The following AKT3 variants were observed in gnomAD, a reference collection of about 807,000 sequenced individuals.
AKT3 encodes the protein RAC-gamma serine/threonine-protein kinase.
In AKT3, 15 loss-of-function variants were observed where a neutral mutation model predicts 65.3. The observed-to-expected ratio is 0.23, with a 90% CI of 0.15 to 0.35. The LOEUF (loss-of-function observed/expected upper bound fraction) is 0.35, where lower values mean the gene tolerates loss of function less well. AKT3 is among the 10% of genes least tolerant of loss of function. AKT3 has a pLI of 1.00. For synonymous variants in AKT3, 206 were observed against 183.8 expected (o/e 1.12, Z -0.98); for missense variants, 243 against 576.5 (o/e 0.42, Z 5.92).
chr1:243,754,618 C>T (rs1208664684), intron 2 of AKT3, among the ~76,000 whole-genome samples: 1 of 152,178 alleles, frequency 6.6e-6, no homozygotes, highest in Non-Finnish European at 1.5e-5. Flanking sequence ...ATCAGATCAG[C>T]TGTGGCAACA....
intron 8 of AKT3, among the ~76,000 whole-genome samples, chr1:243,579,222 T>C (rs1675161059): frequency 6.6e-6 from 1 of 152,168 alleles, no homozygotes; most frequent in Admixed American, 6.5e-5. Flanking sequence ...GATATCTAAA[T>C]AGGCATTTGA....
chr1:243,516,487 C>T (rs1175598307), intron 12 of AKT3, among the ~76,000 whole-genome samples: 7 of 152,084 alleles, frequency 4.6e-5, no homozygotes, highest in Admixed American at 4.6e-4. Context: ...ATTGCTATCC[C>T]AATCTTTATT....
At chr1:243,810,197 G>A (rs1284619694) in intron 2 of AKT3, among the ~76,000 whole-genome samples, 1 of 152,106 alleles carries the variant, frequency 6.6e-6, no homozygotes, top group Non-Finnish European at 1.5e-5. Flanking sequence ...GAAGGAGATA[G>A]AGACATAAAA....
intron 2 of AKT3, among the ~76,000 whole-genome samples, chr1:243,725,184 G>A (rs570408776): frequency 4.6e-5 from 7 of 151,600 alleles, no homozygotes; most frequent in East Asian, 3.9e-4. Context: ...GAGACAGAGC[G>A]AGCCTTGTCT....
At chr1:243,787,490 C>CA (rs1023795105) in intron 2 of AKT3, among the ~76,000 whole-genome samples, 15 of 152,132 alleles carry the variant, frequency 9.9e-5, no homozygotes, top group African/African-American at 3.6e-4. Context: ...CCCGATGTCT[C>CA]AACACAATCC....
intron 4 of AKT3, among the ~76,000 whole-genome samples, chr1:243,659,899 T>G (rs2147899155): frequency 6.6e-6 from 1 of 152,374 alleles, no homozygotes; most frequent in East Asian, 1.9e-4. Flanking sequence ...TTATTGAGGA[T>G]TTTTGTATCA....
chr1:243,618,676 A>G (rs1459165486), intron 6 of AKT3, among the ~76,000 whole-genome samples: 1 of 152,116 alleles, frequency 6.6e-6, no homozygotes, highest in Non-Finnish European at 1.5e-5. Context: ...TTTTAAATCT[A>G]ATTTCTTTCA....
At chr1:243,542,370 T>A (rs1219539908) in intron 12 of AKT3, among the ~76,000 whole-genome samples, 1 of 152,204 alleles carries the variant, frequency 6.6e-6, no homozygotes, top group Non-Finnish European at 1.5e-5. Context: ...TTTGATACTG[T>A]GCTCTTTAGA....
At chr1:243,580,090 T>A (rs749140517) in intron 8 of AKT3, among the ~76,000 whole-genome samples, 2 of 152,196 alleles carry the variant, frequency 1.3e-5, no homozygotes, top group Non-Finnish European at 2.9e-5. Flanking sequence ...CTCAGCCACT[T>A]GGACATAGCA....
chr1:243,532,883 G>A (rs1179585098), intron 12 of AKT3, among the ~76,000 whole-genome samples: 1 of 152,172 alleles, frequency 6.6e-6, no homozygotes, highest in Non-Finnish European at 1.5e-5. Context: ...TTGGTGATTT[G>A]TGTATTTCCA....
intron 12 of AKT3, among the ~76,000 whole-genome samples, chr1:243,524,767 C>T (rs1210893970): frequency 3.9e-5 from 6 of 152,078 alleles, no homozygotes; most frequent in Non-Finnish European, 7.4e-5. Flanking sequence ...CAAGCAGCTC[C>T]GATTGGATTA....
At chr1:243,576,646 T>C (rs959438048) in intron 8 of AKT3, among the ~76,000 whole-genome samples, 4 of 152,028 alleles carry the variant, frequency 2.6e-5, no homozygotes, top group African/African-American at 9.7e-5. Flanking sequence ...GAGAATAAAA[T>C]ACCTAGAAAT....
intron 2 of AKT3, among the ~76,000 whole-genome samples, chr1:243,786,477 C>T (rs1261881083): frequency 6.6e-6 from 1 of 152,180 alleles, no homozygotes; most frequent in Non-Finnish European, 1.5e-5. Flanking sequence ...AGCTGTGCAG[C>T]CCCAATCTTA....
At chr1:243,744,738 C>CA (rs932389262) in intron 2 of AKT3, among the ~76,000 whole-genome samples, 561 of 52,256 alleles carry the variant, frequency 0.011, 7 homozygotes, top group Middle Eastern at 0.021. Flanking sequence ...GACTCCGTCT[C>CA]AAAAAAAAAA....
chr1:243,686,593 C>A (rs1684314102), intron 3 of AKT3, among the ~76,000 whole-genome samples: 1 of 116,734 alleles, frequency 8.6e-6, no homozygotes, highest in African/African-American at 3.2e-5. Context: ...TACGTTAATA[C>A]TATTTGGATA....
At chr1:243,749,248 A>G (rs1688658762) in intron 2 of AKT3, among the ~76,000 whole-genome samples, 1 of 152,166 alleles carries the variant, frequency 6.6e-6, no homozygotes, top group African/African-American at 2.4e-5. Context: ...GAGTACTGCT[A>G]TACTAAATCA....
At chr1:243,837,557 AT>A (rs1163352974) in intron 2 of AKT3, among the ~76,000 whole-genome samples, 1 of 152,182 alleles carries the variant, frequency 6.6e-6, no homozygotes, top group African/African-American at 2.4e-5. Flanking sequence ...TTGGTAATAT[AT>A]TTTTTTAAAT....
At chr1:243,575,001 A>G (rs978998415) in intron 8 of AKT3, among the ~76,000 whole-genome samples, 10 of 152,168 alleles carry the variant, frequency 6.6e-5, no homozygotes, top group African/African-American at 2.4e-4. Context: ...AATTTCTATA[A>G]ATATATCAGC....
At chr1:243,811,715 T>A (rs1693171617) in intron 2 of AKT3, among the ~76,000 whole-genome samples, 2 of 152,164 alleles carry the variant, frequency 1.3e-5, no homozygotes, top group Admixed American at 6.5e-5. Flanking sequence ...CATTGCCAAG[T>A]CAATCCTAAG....
Sources: gnomAD v4.1 joint callset for allele counts (sites outside exome capture counted in the v4.1 genomes callset) on GRCh38, gnomAD v4.1.1 for gene constraint, MANE v1.5 for transcripts, NCBI Gene and HGNC (gene_info 2026-07-23, HGNC 2026-07-21) for gene names.